VWDE: variants seen among roughly 807,000 people sequenced by gnomAD.
VWDE encodes von Willebrand factor D and EGF domain-containing protein.
A neutral mutation model predicts 178.4 loss-of-function variants in VWDE; 207 were observed. That is an observed-to-expected ratio of 1.16 (90% CI 1.04 to 1.30). VWDE has a LOEUF of 1.30. Among genes scored for constraint, VWDE ranks in the 50% most tolerant of loss-of-function variants. The pLI, the probability that VWDE is intolerant of heterozygous loss-of-function variation, is 0.00. For synonymous variants in VWDE, 738 were observed against 651.4 expected (o/e 1.13, Z -2.02); for missense variants, 2,287 against 1,901.3 (o/e 1.20, Z -3.77).
rs1417265841 is a variant in VWDE at position 12,370,776 on chromosome 7, C to T, written c.1676G>A (p.Arg559Lys). 6.4e-7 allele frequency: 1 copy of T among 1,550,658 alleles called. No homozygotes were observed. The highest frequency in any genetic ancestry group is 2.4e-5 in the East Asian group (1 of 40,906). Residue 559 changes from arginine (R) to lysine (K), a missense_variant, in exon 11 of 29, where the codon AGA becomes AAA. Arg to Lys is a conservative substitution (Grantham distance 26). Transcript: ENST00000275358. ...GGTTCCACAAAGTCCCAGAGTGTTT[C>T]TGTAATCTACACTAGGGGCTCTGAT... ...LTIRAPSVDY[R>K]NTLGLCGTFD...
Position 12,337,198 on chromosome 7 carries a change from T to C in VWDE, c.4441A>G (p.Thr1481Ala). The C allele has an allele frequency of 6.4e-7, 1 of 1,551,942 alleles. No homozygotes were observed. Among genetic ancestry groups the C allele is most frequent in the South Asian group, 1.2e-5 (1 of 84,068 alleles). The change falls in exon 25 of 29, where the codon ACT (threonine) becomes GCT (alanine). Residue 1481 changes from threonine (T) to alanine (A), a missense_variant. Coordinates refer to ENST00000275358, the MANE Select transcript of VWDE (RefSeq NM_001135924.3). ...NNVCVCREGY[T>A]GRRFQKSICD... is the part of the protein sequence containing the mutation. ...TTACTTTTTTGGAATCTCCTACCAG[T>C]GTATCCTTCACGACAGACGCACACA...
rs907845942 is a variant in VWDE at position 12,380,589 on chromosome 7, C to A, written c.686G>T (p.Arg229Met). The A allele has an allele frequency of 2.4e-5, 37 of 1,552,116 alleles. No individual in the cohort carries two copies. The highest frequency in any genetic ancestry group is 3.2e-5 in the Non-Finnish European group (37 of 1,147,140). ...NSVGFHIAWSRLSSQEVKEEL... is the reference protein window; with the variant it reads ...NSVGFHIAWSMLSSQEVKEEL... ...CTCTTTGACTTCTTGAGAAGAAAGC[C>A]TAGACCAAGCTATGTGAAATCCCAC... The change falls in exon 5 of 29, where the codon AGG (arginine) becomes ATG (methionine). Residue 229 changes from arginine (R) to methionine (M), a missense_variant. By Grantham distance (91) the Arg-to-Met change is moderately conservative (BLOSUM62 -1). Transcript: ENST00000275358.
rs73298519 is a variant in VWDE, at chr7:12,356,016, A to G, written c.3745+95T>C. On this transcript the variant is annotated intron_variant, in intron 18 of 28. Coordinates refer to ENST00000275358, the MANE Select transcript of VWDE (RefSeq NM_001135924.3). ...TATTAAAATTGTAAAGATGTGTACT[A>G]AAATCTTTAGGACCACACATTTGCT... The G allele has an allele frequency of 4.0e-3, 3,674 of 929,710 alleles. 94 individuals carry two copies. In the African/African-American group the frequency reaches 0.055, roughly 14 times the overall value. 57.6% of individuals were successfully genotyped at this position (929,710 alleles called of 1,614,324 possible). A position where few individuals can be genotyped will look rare whatever the true frequency, so the allele number is the denominator to read the frequency against.
intron 1 of VWDE, among the ~76,000 whole-genome samples, chr7:12,395,770 T>C (rs1784593057): frequency 6.6e-6 from 1 of 151,716 alleles, no homozygotes; most frequent in South Asian, 2.1e-4. Context: ...TCAAGCCACA[T>C]TTTCAAAATT....
intron 19 of VWDE, among the ~76,000 whole-genome samples, chr7:12,347,005 A>G (rs542007700): frequency 2.0e-4 from 30 of 152,302 alleles, no homozygotes; most frequent in African/African-American, 6.7e-4. Context: ...CGTGAAACAT[A>G]AAAAGCATAT....
intron 1 of VWDE, among the ~76,000 whole-genome samples, chr7:12,403,311 G>A (rs1784998912): frequency 6.6e-6 from 1 of 152,134 alleles, no homozygotes; most frequent in African/African-American, 2.4e-5. Flanking sequence ...GTCCACTTGC[G>A]GCTAGCATAC....
At chr7:12,374,805 T>C in intron 8 of VWDE, 43 bp from the exon 9 acceptor site, 1 of 1,272,110 alleles carries the variant, frequency 7.9e-7, no homozygotes, top group Non-Finnish European at 1.1e-6. Flanking sequence ...CCATTAATTA[T>C]ATTTAGTGAT....
At chr7:12,367,579 G>A in intron 12 of VWDE, 86 bp from the exon 13 acceptor site, 1 of 1,152,264 alleles carries the variant, frequency 8.7e-7, no homozygotes, top group Non-Finnish European at 1.2e-6. Context: ...CAAATTAAAA[G>A]CATATGGAAA....
intron 23 of VWDE, 30 bp from the exon 24 acceptor site, chr7:12,340,447 TA>T: frequency 1.3e-6 from 2 of 1,485,470 alleles, no homozygotes; most frequent in Non-Finnish European, 1.8e-6. Context: ...AAAGAGAACA[TA>T]AAAGTTTTAT....
At position 12,356,172 on chromosome 7, in the gene VWDE, A is replaced by AC. The variant is rs1235281904; in HGVS notation, c.3683dup (p.Leu1229SerfsTer6). On this transcript the variant is annotated frameshift_variant, in exon 18 of 29. Coordinates refer to ENST00000275358, the MANE Select transcript of VWDE (RefSeq NM_001135924.3). LOFTEE classifies it high-confidence loss of function. ...GAAAACCACTAATATAGCTGCCAAG[A>AC]CCACAAGGGTTGGATTGGCACCCAC... The AC allele has an allele frequency of 2.6e-6, 4 of 1,551,416 alleles. No individual in the cohort carries two copies. The highest frequency in any genetic ancestry group is 3.5e-6 in the Non-Finnish European group (4 of 1,146,964).
chr7:12,342,428 T>C (rs116807529), intron 22 of VWDE, among the ~76,000 whole-genome samples: 238 of 152,210 alleles, frequency 1.6e-3, no homozygotes, highest in African/African-American at 5.4e-3. Flanking sequence ...TTATTAGTTA[T>C]TGATGAAAGC....
chr7:12,357,518 G>A lies in VWDE; in HGVS notation c.3275-3C>T. ...TTGAATCACTGGGGGCTGGTTGTCT[G>A]TAATAGAGAAAACACTTAACTTTAT... On this transcript the variant is annotated splice_polypyrimidine_tract_variant and splice_region_variant and intron_variant, in intron 16 of 28. Transcript: ENST00000275358. The A allele has an allele frequency of 6.4e-7, 1 of 1,551,966 alleles. No individual in the cohort carries two copies. Among genetic ancestry groups the A allele is most frequent in the Non-Finnish European group, 8.7e-7 (1 of 1,147,010 alleles).
chr7:12,372,911 A>C, intron 10 of VWDE, 66 bp downstream of exon 10: 1 of 1,422,956 alleles, frequency 7.0e-7, no homozygotes, highest in Non-Finnish European at 9.5e-7. Context: ...CTCCTAATTT[A>C]ATAGAGATGT....
intron 18 of VWDE, chr7:12,353,783 C>T (rs763327668): frequency 2.6e-5 from 4 of 152,336 alleles, no homozygotes; most frequent in Non-Finnish European, 5.9e-5. Flanking sequence ...AGAGAGTCTC[C>T]ATGGTTTTTA....
At chr7:12,363,561 C>T (rs1782694283) in intron 13 of VWDE, among the ~76,000 whole-genome samples, 1 of 151,844 alleles carries the variant, frequency 6.6e-6, no homozygotes, top group African/African-American at 2.4e-5. Flanking sequence ...TAGAAAAAAG[C>T]ATGTAAAATA....
At chr7:12,379,116 T>C (rs1188506361) in intron 6 of VWDE, among the ~76,000 whole-genome samples, 1 of 152,220 alleles carries the variant, frequency 6.6e-6, no homozygotes, top group African/African-American at 2.4e-5. Flanking sequence ...AATTCTACTC[T>C]AGTCAGAGAC....
At chr7:12,402,227 T>G (rs1368316553) in intron 1 of VWDE, among the ~76,000 whole-genome samples, 1 of 152,216 alleles carries the variant, frequency 6.6e-6, no homozygotes, top group African/African-American at 2.4e-5. Flanking sequence ...TAAAATTGAC[T>G]GTGGTCATCG....
chr7:12,363,085 C>T (rs1346535258), intron 13 of VWDE, among the ~76,000 whole-genome samples: 1 of 151,734 alleles, frequency 6.6e-6, no homozygotes, highest in African/African-American at 2.4e-5. Context: ...AAAAAGATCA[C>T]AAAGAAAATG....
At chr7:12,331,514 A>G (rs1780721016) in intron 28 of VWDE, among the ~76,000 whole-genome samples, 1 of 152,120 alleles carries the variant, frequency 6.6e-6, no homozygotes, top group Non-Finnish European at 1.5e-5. Flanking sequence ...TGATACTCAT[A>G]ACACATTGCA....
Sources: gnomAD v4.1 joint callset for allele counts (sites outside exome capture counted in the v4.1 genomes callset) on GRCh38, gnomAD v4.1.1 for gene constraint, MANE v1.5 for transcripts, NCBI Gene and HGNC (gene_info 2026-07-23, HGNC 2026-07-21) for gene names.